DEFB123: variants seen among roughly 807,000 people sequenced by gnomAD.
DEFB123 encodes the protein beta-defensin 123.
For missense variants in DEFB123, 71 were observed against 75.0 expected (o/e 0.95, Z 0.20); for synonymous variants, 22 against 28.3 (o/e 0.78, Z 0.71).
intron 1 of DEFB123, among the ~76,000 whole-genome samples, chr20:31,441,701 C>A (rs1189506487): frequency 1.3e-5 from 2 of 152,142 alleles, no homozygotes; most frequent in Non-Finnish European, 2.9e-5. Flanking sequence ...TGTCGGCTAA[C>A]CTTTCTACAG....
chr20:31,447,780 CTTTT>C (rs34763122), intron 1 of DEFB123, among the ~76,000 whole-genome samples: 3 of 64,470 alleles, frequency 4.7e-5, no homozygotes, highest in African/African-American at 6.7e-5. Context: ...ACACACCCGG[CTTTT>C]TTTTTTTTTT....
At chr20:31,447,278 T>A (rs1461207314) in intron 1 of DEFB123, among the ~76,000 whole-genome samples, 5 of 151,964 alleles carry the variant, frequency 3.3e-5, no homozygotes, top group South Asian at 2.1e-4. Flanking sequence ...ATAATAATAA[T>A]AAAAATAAAA....
At chr20:31,447,633 C>A (rs1270385247) in intron 1 of DEFB123, among the ~76,000 whole-genome samples, 5 of 144,086 alleles carry the variant, frequency 3.5e-5, no homozygotes, top group Non-Finnish European at 7.6e-5. Flanking sequence ...TTTTTCCTTT[C>A]TTTGAGACGG....
chr20:31,443,544 T>C (rs1979515725), intron 1 of DEFB123, among the ~76,000 whole-genome samples: 1 of 152,324 alleles, frequency 6.6e-6, no homozygotes, highest in East Asian at 1.9e-4. Context: ...GGCAATTTCT[T>C]TCGACCAATC....
At chr20:31,449,433 T>C (rs912239926) in intron 1 of DEFB123, among the ~76,000 whole-genome samples, 1 of 152,166 alleles carries the variant, frequency 6.6e-6, no homozygotes, top group Non-Finnish European at 1.5e-5. Context: ...TTCCGAGTAC[T>C]AAATGCTGCA....
At chr20:31,446,267 A>AAAG (rs1979582780) in intron 1 of DEFB123, among the ~76,000 whole-genome samples, 1 of 152,262 alleles carries the variant, frequency 6.6e-6, no homozygotes, top group Non-Finnish European at 1.5e-5. Context: ...GCCACAGGGC[A>AAAG]AAGTGTAAAG....
intron 1 of DEFB123, among the ~76,000 whole-genome samples, chr20:31,447,537 T>G (rs889010268): frequency 1.7e-4 from 26 of 152,036 alleles, no homozygotes; most frequent in Non-Finnish European, 3.2e-4. Context: ...AATTCTGGGC[T>G]TTTTTCCTTT....
At chr20:31,442,672 G>A (rs1398524375) in intron 1 of DEFB123, among the ~76,000 whole-genome samples, 1 of 144,884 alleles carries the variant, frequency 6.9e-6, no homozygotes. Flanking sequence ...GTAGAGGCAC[G>A]ATCTTAGCTC....
chr20:31,447,217 G>T (rs1018274858), intron 1 of DEFB123, among the ~76,000 whole-genome samples: 1 of 143,446 alleles, frequency 7.0e-6, no homozygotes, highest in African/African-American at 2.6e-5. Context: ...AGCTGAGATT[G>T]CGCCATTGCA....
At chr20:31,449,959 A>G in intron 1 of DEFB123, 70 bp from the exon 2 acceptor site, 1 of 1,496,624 alleles carries the variant, frequency 6.7e-7, no homozygotes, top group African/African-American at 1.4e-5. Flanking sequence ...CCATTCTTTT[A>G]CAGACCTTTC....
intron 1 of DEFB123, among the ~76,000 whole-genome samples, chr20:31,443,510 C>T (rs1979514813): frequency 6.6e-6 from 1 of 152,232 alleles, no homozygotes; most frequent in Non-Finnish European, 1.5e-5. Flanking sequence ...CTCTAAGAGG[C>T]AGAGAGTAAG....
intron 1 of DEFB123, among the ~76,000 whole-genome samples, chr20:31,447,952 A>T (rs897767582): frequency 2.6e-4 from 39 of 151,762 alleles, no homozygotes; most frequent in African/African-American, 9.4e-4. Context: ...ATGCCCAGCT[A>T]ATTTTTTGTG....
intron 1 of DEFB123, among the ~76,000 whole-genome samples, chr20:31,446,973 CAAAAAT>C (rs1979602609): frequency 1.7e-5 from 2 of 120,868 alleles, no homozygotes; most frequent in Non-Finnish European, 3.5e-5. Flanking sequence ...AAAACAAAAA[CAAAAAT>C]AGGCCCGGCG....
intron 1 of DEFB123, among the ~76,000 whole-genome samples, chr20:31,442,212 G>T (rs576353539): frequency 5.3e-5 from 8 of 152,290 alleles, no homozygotes; most frequent in African/African-American, 1.9e-4. Flanking sequence ...GTTTTAAAAT[G>T]ATTTCTAAGC....
intron 1 of DEFB123, among the ~76,000 whole-genome samples, chr20:31,440,990 G>T (rs1201658224): frequency 6.6e-6 from 1 of 152,220 alleles, no homozygotes; most frequent in Admixed American, 6.5e-5. Context: ...AGCATGTGGG[G>T]GTGGCCTAGT....
At chr20:31,442,950 A>AC (rs1250557429) in intron 1 of DEFB123, among the ~76,000 whole-genome samples, 1 of 151,996 alleles carries the variant, frequency 6.6e-6, no homozygotes, top group Non-Finnish European at 1.5e-5. Flanking sequence ...TCTCACTGTG[A>AC]CCTGAGGGAA....
chr20:31,450,243 A>G lies in DEFB123; in HGVS notation c.*69A>G. ...AGTGGATTCCCACACTCTATCAATAAACACCTCTGGCTGATCCCTGCGTTT... is the reference window on the plus strand; with the variant it reads ...AGTGGATTCCCACACTCTATCAATAGACACCTCTGGCTGATCCCTGCGTTT... On this transcript the variant is annotated 3_prime_UTR_variant, in exon 2 of 2. Coordinates refer to ENST00000376309, the MANE Select transcript of DEFB123 (RefSeq NM_153324.4). 1 of 1,519,750 alleles carries G rather than the reference A, an allele frequency of 6.6e-7. No homozygotes were observed. Among genetic ancestry groups the G allele is most frequent in the Non-Finnish European group, 8.8e-7 (1 of 1,138,784 alleles). The allele number at this position is 1,519,750 out of a possible 1,614,324, so 94.1% of individuals were successfully genotyped here.
chr20:31,442,981 C>T (rs1979503938), intron 1 of DEFB123, among the ~76,000 whole-genome samples: 1 of 152,012 alleles, frequency 6.6e-6, no homozygotes, highest in Non-Finnish European at 1.5e-5. Flanking sequence ...GAGCATGTGG[C>T]TATGGAGGGA....
At chr20:31,446,937 A>C in intron 1 of DEFB123, among the ~76,000 whole-genome samples, 2 of 143,864 alleles carry the variant, frequency 1.4e-5, no homozygotes, top group East Asian at 2.0e-4. Context: ...ACAGAGTGAG[A>C]CTCCATCTCA....
Sources: allele counts gnomAD v4.1 joint callset (sites outside exome capture counted in the v4.1 genomes callset), GRCh38; gene constraint gnomAD v4.1.1; transcripts MANE v1.5; gene names NCBI Gene and HGNC (gene_info 2026-07-23, HGNC 2026-07-21).